The following CEP112 variants were observed in gnomAD, a reference collection of about 807,000 sequenced individuals.
CEP112 encodes the protein centrosomal protein of 112 kDa.
In CEP112, 127 loss-of-function variants were observed where a neutral mutation model predicts 153.0. That is an observed-to-expected ratio of 0.83 (90% CI 0.72 to 0.96). The LOEUF is 0.96. CEP112 is among the 40% of genes least tolerant of loss of function. The pLI is 0.00. For synonymous variants in CEP112, 358 were observed against 374.4 expected (o/e 0.96, Z 0.51); for missense variants, 1,089 against 1,101.2 (o/e 0.99, Z 0.16).
chr17:65,992,939 TTTTTAC>T (rs1358190163), intron 17 of CEP112, among the ~76,000 whole-genome samples: 1 of 28,964 alleles, frequency 3.5e-5, no homozygotes, highest in Admixed American at 1.8e-4. Context: ...TTGTTTTTTA[TTTTTAC>T]TTTTAAGTTC....
At chr17:65,939,595 G>C (rs2061448881) in intron 18 of CEP112, among the ~76,000 whole-genome samples, 2 of 152,174 alleles carry the variant, frequency 1.3e-5, no homozygotes, top group Non-Finnish European at 2.9e-5. Context: ...TCCATTTATA[G>C]ACAATTGATT....
At chr17:65,792,911 G>A (rs2054676079) in intron 21 of CEP112, among the ~76,000 whole-genome samples, 4 of 152,104 alleles carry the variant, frequency 2.6e-5, no homozygotes, top group Admixed American at 2.0e-4. Flanking sequence ...TAATCTAGAA[G>A]GTACTGTTAA....
chr17:65,970,127 T>A (rs1041014922), intron 17 of CEP112, among the ~76,000 whole-genome samples: 1 of 152,226 alleles, frequency 6.6e-6, no homozygotes, highest in African/African-American at 2.4e-5. Flanking sequence ...ATCGCATGTA[T>A]ATTGCATTTA....
At chr17:65,850,653 C>T (rs973575842) in intron 21 of CEP112, among the ~76,000 whole-genome samples, 1 of 152,172 alleles carries the variant, frequency 6.6e-6, no homozygotes, top group African/African-American at 2.4e-5. Context: ...AATCATGTCA[C>T]TCCTATGCTC....
intron 4 of CEP112, among the ~76,000 whole-genome samples, chr17:66,135,573 C>G (rs764775089): frequency 1.3e-5 from 2 of 152,048 alleles, no homozygotes; most frequent in African/African-American, 4.8e-5. Flanking sequence ...AGCAGAAAAG[C>G]GGTATTGTGC....
At chr17:66,050,309 A>G (rs1218781742) in intron 12 of CEP112, among the ~76,000 whole-genome samples, 1 of 152,106 alleles carries the variant, frequency 6.6e-6, no homozygotes, top group Non-Finnish European at 1.5e-5. Flanking sequence ...GGGTAGGGGA[A>G]TGGGGAGAGG....
chr17:65,981,125 G>A (rs942917471), intron 17 of CEP112, among the ~76,000 whole-genome samples: 7 of 151,848 alleles, frequency 4.6e-5, no homozygotes, highest in Admixed American at 6.6e-5. Context: ...CATCTTCTTA[G>A]GTTTCTTCAC....
chr17:65,674,743 G>A (rs957378080), intron 24 of CEP112, among the ~76,000 whole-genome samples: 19 of 152,146 alleles, frequency 1.2e-4, no homozygotes, highest in Non-Finnish European at 1.3e-4. Flanking sequence ...AAGTTCTCTG[G>A]AGGAAATTAA....
chr17:66,123,139 C>T (rs1316436464), intron 6 of CEP112, among the ~76,000 whole-genome samples: 1 of 152,100 alleles, frequency 6.6e-6, no homozygotes, highest in East Asian at 1.9e-4. Flanking sequence ...ATGAACAAGT[C>T]GAGGTAAGGA....
chr17:65,650,038 C>A (rs1311736812), intron 24 of CEP112, among the ~76,000 whole-genome samples: 1 of 152,230 alleles, frequency 6.6e-6, no homozygotes, highest in Admixed American at 6.5e-5. Context: ...CTGCTAACCT[C>A]CTGCAACTCC....
intron 6 of CEP112, among the ~76,000 whole-genome samples, chr17:66,106,458 A>G (rs2068787935): frequency 6.6e-6 from 1 of 152,120 alleles, no homozygotes; most frequent in Non-Finnish European, 1.5e-5. Context: ...GATGAAAAAG[A>G]GACATTACAA....
chr17:65,723,352 C>T (rs1433290545), intron 23 of CEP112, among the ~76,000 whole-genome samples: 2 of 152,144 alleles, frequency 1.3e-5, no homozygotes, highest in Admixed American at 6.5e-5. Flanking sequence ...TATATCTCTC[C>T]AAAGAACATC....
intron 4 of CEP112, among the ~76,000 whole-genome samples, chr17:66,171,201 G>C (rs767060600): frequency 4.6e-5 from 7 of 152,038 alleles, no homozygotes; most frequent in Non-Finnish European, 1.0e-4. Context: ...ATATAAAAAG[G>C]CTAGGACACA....
intron 18 of CEP112, among the ~76,000 whole-genome samples, chr17:65,933,578 A>C (rs1365202188): frequency 6.6e-6 from 1 of 152,180 alleles, no homozygotes; most frequent in African/African-American, 2.4e-5. Context: ...AGAATACTCT[A>C]CCTGGCAAAG....
intron 21 of CEP112, among the ~76,000 whole-genome samples, chr17:65,810,119 T>C (rs1004690309): frequency 2.0e-5 from 3 of 152,138 alleles, no homozygotes; most frequent in Non-Finnish European, 4.4e-5. Flanking sequence ...CTCATTGCCA[T>C]GAATAAAAGA....
At chr17:65,882,731 C>A (rs2059130031) in intron 20 of CEP112, among the ~76,000 whole-genome samples, 1 of 152,180 alleles carries the variant, frequency 6.6e-6, no homozygotes, top group African/African-American at 2.4e-5. Flanking sequence ...ATACATATGT[C>A]TTTGTCACTG....
intron 4 of CEP112, among the ~76,000 whole-genome samples, chr17:66,134,025 G>C (rs898858247): frequency 2.6e-5 from 4 of 151,956 alleles, no homozygotes; most frequent in African/African-American, 9.7e-5. Context: ...GAGTATAATT[G>C]TACCAGTCAA....
At chr17:65,967,977 G>A (rs144827790) in intron 17 of CEP112, among the ~76,000 whole-genome samples, 76 of 151,932 alleles carry the variant, frequency 5.0e-4, no homozygotes, top group African/African-American at 1.7e-3. Context: ...TGCTATTTTC[G>A]TTTATGTCCC....
chr17:66,025,108 C>T (rs62063396), intron 16 of CEP112, among the ~76,000 whole-genome samples: 78,204 of 151,782 alleles, frequency 0.52, 21,057 homozygotes, highest in African/African-American at 0.59. Context: ...AAACTGAATC[C>T]CTCTCTCACC....
Sources: gnomAD v4.1 joint callset for allele counts (sites outside exome capture counted in the v4.1 genomes callset) on GRCh38, gnomAD v4.1.1 for gene constraint, MANE v1.5 for transcripts, NCBI Gene and HGNC (gene_info 2026-07-23, HGNC 2026-07-21) for gene names.